Variants in IKBIP observed in about 807,000 individuals in gnomAD.
IKBIP encodes inhibitor of nuclear factor kappa-B kinase-interacting protein.
A neutral mutation model predicts 31.0 loss-of-function variants in IKBIP; 28 were observed. That is an observed-to-expected ratio of 0.90 (90% CI 0.67 to 1.24). The LOEUF is 1.24. Among genes scored for constraint, IKBIP ranks in the 50% most tolerant of loss-of-function variants. The pLI is 0.00. For synonymous variants in IKBIP, 164 were observed against 160.3 expected, an observed-to-expected ratio of 1.02 and a Z score of -0.17; for missense variants, 453 against 441.9, an observed-to-expected ratio of 1.03 and a Z score of -0.23.
chr12:98,623,559 A>G (rs1033479311), downstream of IKBIP, among the ~76,000 whole-genome samples: 31 of 87,728 alleles, frequency 3.5e-4, no homozygotes, highest in Admixed American at 3.1e-3. Context: ...TCCTCCTTAC[A>G]CTTTTTTTTT....
At chr12:98,630,764 G>A (rs1399364396) in intron 2 of IKBIP, among the ~76,000 whole-genome samples, 3 of 152,128 alleles carry the variant, frequency 2.0e-5, no homozygotes, top group African/African-American at 4.8e-5. Flanking sequence ...ATAGTGATTT[G>A]TCTAAGGTCA....
chr12:98,624,411 A>G lies in IKBIP; in HGVS notation c.*1519T>C, dbSNP rs1442101393. 1.0e-6 allele frequency: 1 copy of G among 985,294 alleles called. No individual in the cohort carries two copies. The highest frequency in any genetic ancestry group is 1.7e-5 in the African/African-American group (1 of 57,260). The allele number at this position is 985,294 out of a possible 1,614,324, so 61.0% of individuals were successfully genotyped here. A position where few individuals can be genotyped will look rare whatever the true frequency, so the allele number is the denominator to read the frequency against. Reference sequence around the variant, plus strand: ...AACAGAACTCTCCAGGCTTATTTTCATGATTCACGCTGTCTACCACAGGCC... The same window carrying G: ...AACAGAACTCTCCAGGCTTATTTTCGTGATTCACGCTGTCTACCACAGGCC... On this transcript the variant is annotated 3_prime_UTR_variant, in exon 3 of 3. Coordinates refer to ENST00000299157, the MANE Select transcript of IKBIP (RefSeq NM_153687.4).
intron 1 of IKBIP, among the ~76,000 whole-genome samples, chr12:98,643,175 A>G (rs1449071403): frequency 1.3e-5 from 2 of 149,372 alleles, no homozygotes; most frequent in Non-Finnish European, 3.0e-5. Flanking sequence ...CTGGTCTTGA[A>G]CTCCTGACCT....
chr12:98,639,038 C>G (rs1308890753), intron 1 of IKBIP, among the ~76,000 whole-genome samples: 1 of 152,032 alleles, frequency 6.6e-6, no homozygotes, highest in Non-Finnish European at 1.5e-5. Flanking sequence ...AGTACTGTGG[C>G]CCCTTTTTTT....
At position 98,626,072 on chromosome 12, in the gene IKBIP, T is replaced by A; in HGVS notation, c.992A>T (p.Asp331Val). The A allele has an allele frequency of 6.3e-7, 1 of 1,599,118 alleles. No individual in the cohort carries two copies. Among genetic ancestry groups the A allele is most frequent in the Non-Finnish European group, 8.5e-7 (1 of 1,172,144 alleles). The change falls in exon 3 of 3, where the codon GAT becomes GTT. Residue 331 changes from aspartate (D) to valine (V), a missense_variant. Coordinates refer to ENST00000299157, the MANE Select transcript of IKBIP (RefSeq NM_153687.4). ...ATTTTGCATCTTTAATATGCTATTA[T>A]CATACTGAATTCCTTCAAGGGTTTT... The part of the protein sequence containing the change: ...MQKTLEGIQY[D>V]NSILKMQNEL...
intron 2 of IKBIP, among the ~76,000 whole-genome samples, chr12:98,631,573 G>A (rs906420524): frequency 2.8e-5 from 4 of 143,478 alleles, no homozygotes; most frequent in African/African-American, 5.0e-5. Flanking sequence ...GAACCACCGT[G>A]CCCAGCCTGG....
At chr12:98,642,167 G>C (rs1412407089) in intron 1 of IKBIP, among the ~76,000 whole-genome samples, 1 of 152,116 alleles carries the variant, frequency 6.6e-6, no homozygotes, top group Non-Finnish European at 1.5e-5. Flanking sequence ...AACACAAAAG[G>C]TTACTTATTT....
Position 98,644,532 on chromosome 12 carries a change from C to G in IKBIP, c.170G>C (p.Gly57Ala). ...CCTCGCGTCCACTTACCAGGCCAGG[C>G]CCAGGCACGTCCCCAGCGACAGCAG... Reference protein sequence around the residue: ...LSLLSLGTCLGLAWFVFQQSE... With the variant: ...LSLLSLGTCLALAWFVFQQSE... The change falls in exon 1 of 3, where the codon GGC becomes GCC. Residue 57 changes from glycine (G) to alanine (A), a missense_variant. Physicochemically the swap from Gly to Ala is moderately conservative, Grantham distance 60. Transcript: ENST00000299157. 6 of 1,600,642 alleles carry G rather than the reference C, an allele frequency of 3.7e-6. No individual in the cohort carries two copies. The South Asian group carries it at 6.7e-5, about 18-fold the overall frequency.
intron 2 of IKBIP, among the ~76,000 whole-genome samples, chr12:98,632,514 T>A (rs1430271830): frequency 0.051 from 959 of 18,888 alleles, 7 homozygotes; most frequent in East Asian, 0.063. Flanking sequence ...AAAAAAAAAA[T>A]ATATATATAT....
At chr12:98,639,350 G>A (rs963857799) in intron 1 of IKBIP, among the ~76,000 whole-genome samples, 4 of 152,216 alleles carry the variant, frequency 2.6e-5, no homozygotes, top group African/African-American at 9.7e-5. Flanking sequence ...TATAAACTGG[G>A]TTGTGTTTAT....
rs78772002 is a variant in IKBIP at position 98,626,307 on chromosome 12, C to T, written c.757G>A (p.Glu253Lys). 201 of 1,614,132 alleles carry T rather than the reference C, an allele frequency of 1.2e-4. No homozygotes were observed. The African/African-American group carries it at 2.4e-3, about 19-fold the overall frequency. Residue 253 changes from glutamate (E) to lysine (K), a missense_variant, in exon 3 of 3, where the codon GAA becomes AAA. Physicochemically the swap from Glu to Lys is moderately conservative, Grantham distance 56. Transcript: ENST00000299157. ...EEQHALFARD[E>K]DLTNKLSDYE... ...TCGGAAAGTTTATTAGTCAGATCTT[C>T]ATCTCTGGCAAAGAGGGCATGCTGT...
At chr12:98,629,042 G>C (rs972724369) in intron 2 of IKBIP, among the ~76,000 whole-genome samples, 1 of 152,198 alleles carries the variant, frequency 6.6e-6, no homozygotes, top group African/African-American at 2.4e-5. Flanking sequence ...TGATGAATTA[G>C]CAGGGTGAAG....
rs142673651 is a variant in IKBIP, at chr12:98,627,070, C to T, written c.298-304G>A. On this transcript the variant is annotated intron_variant, in intron 2 of 2. Coordinates refer to ENST00000299157, the MANE Select transcript of IKBIP (RefSeq NM_153687.4). ...TGCAACCTCCGCCTCCCAGGTTCAACGTATTCTCTTGCCTCAGCTTCCTGA... is the reference window on the plus strand; with the variant it reads ...TGCAACCTCCGCCTCCCAGGTTCAATGTATTCTCTTGCCTCAGCTTCCTGA... Among the ~76,000 whole-genome samples the T allele has an allele frequency of 5.8e-3, 883 of 151,256 alleles. 3 individuals are homozygous for T. The highest frequency in any genetic ancestry group is 9.3e-3 in the Non-Finnish European group (626 of 67,666).
At position 98,613,633 on chromosome 12, in the gene IKBIP, C is replaced by A. The variant is rs201283576; in HGVS notation, c.1005G>T (p.Glu335Asp). ...CTATTTCATCTTTAATATCCTTAAT[C>A]TCAGCTTGGACTATTGTTAAATTAG... is the stretch of plus-strand genomic sequence containing the variant. Residue 335 changes from glutamate to aspartate, a missense_variant, in exon 3 of 3, where the codon GAG becomes GAT. Transcript: ENST00000342502. 4.5e-6 allele frequency: 7 copies of A among 1,557,422 alleles called. No individual in the cohort carries two copies. In the African/African-American group the frequency reaches 5.5e-5, roughly 12 times the overall value.
At chr12:98,638,999 G>C (rs1253583830) in intron 1 of IKBIP, among the ~76,000 whole-genome samples, 1 of 152,156 alleles carries the variant, frequency 6.6e-6, no homozygotes, top group African/African-American at 2.4e-5. Context: ...TGGAACAATA[G>C]AGCCATAGCA....
chr12:98,620,257 A>G (rs2097609101), downstream of IKBIP, among the ~76,000 whole-genome samples: 1 of 151,784 alleles, frequency 6.6e-6, no homozygotes, highest in African/African-American at 2.4e-5. Flanking sequence ...TATTCAAGGT[A>G]TGAGGTTAGA....
At chr12:98,628,612 C>T (rs2097616998) in intron 2 of IKBIP, among the ~76,000 whole-genome samples, 1 of 152,196 alleles carries the variant, frequency 6.6e-6, no homozygotes, top group South Asian at 2.1e-4. Context: ...ATATTTGCCA[C>T]ATATTTGCCT....
chr12:98,632,512 A>AATATATAT (rs71436924), intron 2 of IKBIP, among the ~76,000 whole-genome samples: 523 of 22,720 alleles, frequency 0.023, 13 homozygotes, highest in East Asian at 0.042. Flanking sequence ...AAAAAAAAAA[A>AATATATAT]ATATATATAT....
downstream of IKBIP, among the ~76,000 whole-genome samples, chr12:98,620,033 C>T (rs1222021199): frequency 6.6e-6 from 1 of 151,000 alleles, no homozygotes; most frequent in East Asian, 2.0e-4. Flanking sequence ...ATTCTCCGGC[C>T]TCAGCCTCCC....
Sources: allele counts gnomAD v4.1 joint callset (sites outside exome capture counted in the v4.1 genomes callset), GRCh38; gene constraint gnomAD v4.1.1; transcripts MANE v1.5; gene names NCBI Gene and HGNC (gene_info 2026-07-23, HGNC 2026-07-21).